The following PTPRN2 variants were observed in gnomAD, a reference collection of about 807,000 sequenced individuals.
The protein encoded by PTPRN2 is receptor-type tyrosine-protein phosphatase N2.
In PTPRN2, 74 loss-of-function variants were observed where a neutral mutation model predicts 118.8. That is an observed-to-expected ratio of 0.62 (90% CI 0.52 to 0.76). PTPRN2 has a LOEUF of 0.76. PTPRN2 is among the 30% of genes least tolerant of loss of function. PTPRN2 has a pLI of 0.00. For missense variants in PTPRN2, 1,481 were observed against 1,394.4 expected, an observed-to-expected ratio of 1.06 and a Z score of -0.99; for synonymous variants, 641 against 608.0, an observed-to-expected ratio of 1.05 and a Z score of -0.80.
chr7:157,939,211 C>T (rs1799901649), intron 11 of PTPRN2, among the ~76,000 whole-genome samples: 1 of 152,174 alleles, frequency 6.6e-6, no homozygotes, highest in Non-Finnish European at 1.5e-5. Flanking sequence ...TTAAGTAAAG[C>T]ACGCAGGTCC....
intron 11 of PTPRN2, among the ~76,000 whole-genome samples, chr7:158,044,921 A>G (rs1808734642): frequency 6.6e-6 from 1 of 152,326 alleles, no homozygotes; most frequent in Non-Finnish European, 1.5e-5. Flanking sequence ...GAAAAATTAT[A>G]AACAGTGAAG....
Position 157,819,907 on chromosome 7 carries a change from C to G in PTPRN2, c.1788+78766G>C, listed in dbSNP as rs1806701663. ...CAACAGACACATGCTTATGTGCACACACACAACACACCTGCACTAGCCCAG... is the reference window on the plus strand; with the variant it reads ...CAACAGACACATGCTTATGTGCACAGACACAACACACCTGCACTAGCCCAG... On this transcript the variant is annotated intron_variant, in intron 12 of 22. Transcript: ENST00000389418. Among the ~76,000 whole-genome samples, 3 of 151,838 alleles carry G rather than the reference C, an allele frequency of 2.0e-5. No homozygotes were observed. The South Asian group carries it at 6.2e-4, about 32-fold the overall frequency.
At chr7:157,821,182 G>C (rs1001430816) in intron 12 of PTPRN2, among the ~76,000 whole-genome samples, 7 of 152,228 alleles carry the variant, frequency 4.6e-5, no homozygotes, top group Admixed American at 3.3e-4. Context: ...GTGGAAGAAG[G>C]CAACTCACCT....
intron 4 of PTPRN2, among the ~76,000 whole-genome samples, chr7:158,197,189 C>T (rs192755431): frequency 6.6e-6 from 1 of 152,312 alleles, no homozygotes; most frequent in East Asian, 1.9e-4. Flanking sequence ...TTTGCAGGTG[C>T]TGAGTGAGGC....
chr7:157,909,682 C>A (rs1797973783), intron 11 of PTPRN2, among the ~76,000 whole-genome samples: 1 of 152,254 alleles, frequency 6.6e-6, no homozygotes, highest in African/African-American at 2.4e-5. Flanking sequence ...CTGTTCTCAC[C>A]CAACATCGGG....
chr7:158,505,428 T>C (rs966435498), intron 1 of PTPRN2, among the ~76,000 whole-genome samples: 1 of 152,112 alleles, frequency 6.6e-6, no homozygotes, highest in African/African-American at 2.4e-5. Flanking sequence ...ATTCCTTCTC[T>C]ACAAAGGTGA....
intron 13 of PTPRN2, among the ~76,000 whole-genome samples, chr7:157,661,728 C>A (rs1795902933): frequency 6.6e-6 from 1 of 152,192 alleles, no homozygotes; most frequent in African/African-American, 2.4e-5. Context: ...CTGAAGCCCC[C>A]CATGCTGCCC....
At position 157,560,773 on chromosome 7, in the gene PTPRN2, C is replaced by T. The variant is rs566763048; in HGVS notation, c.2902+8129G>A. Among the ~76,000 whole-genome samples, 44 of 152,326 alleles carry T rather than the reference C, an allele frequency of 2.9e-4. No individual in the cohort carries two copies. The highest frequency in any genetic ancestry group is 9.4e-4 in the African/African-American group (39 of 41,574). ...TTTTTCAGCCTGAAACTTGCCTGAG[C>T]GAGACAAGAGACACTGCGGGCCCAA... On this transcript the variant is annotated intron_variant, in intron 21 of 22. Coordinates refer to ENST00000389418, the MANE Select transcript of PTPRN2 (RefSeq NM_002847.5). The surrounding 1 kb of genome is among the most constrained non-coding windows in gnomAD (Gnocchi z 6.7).
chr7:158,413,698 A>C (rs1430287713), intron 2 of PTPRN2, among the ~76,000 whole-genome samples: 1 of 152,238 alleles, frequency 6.6e-6, no homozygotes, highest in Non-Finnish European at 1.5e-5. Flanking sequence ...TGAGGACCCC[A>C]GTCTCTCAGC....
At chr7:158,489,627 G>T (rs189621139) in intron 2 of PTPRN2, 108 bp downstream of exon 2, 1 of 1,190,938 alleles carries the variant, frequency 8.4e-7, no homozygotes, top group Non-Finnish European at 1.1e-6. Flanking sequence ...AGCGCGCCCC[G>T]GGCGGCCCCA....
chr7:157,827,486 G>A lies in PTPRN2; in HGVS notation c.1788+71187C>T, dbSNP rs144984117. Among the ~76,000 whole-genome samples, 157 of 152,342 alleles carry A rather than the reference G, an allele frequency of 1.0e-3. 1 individual carries two copies. In the East Asian group the frequency reaches 0.016, roughly 16 times the overall value. On this transcript the variant is annotated intron_variant, in intron 12 of 22. Coordinates refer to ENST00000389418, the MANE Select transcript of PTPRN2 (RefSeq NM_002847.5). Reference sequence around the variant, plus strand: ...GCACTGTCTGGGGGCCTGAGAAAGCGTTCGGGCTGTGTGGGTGGTGGGGGT... The same window carrying A: ...GCACTGTCTGGGGGCCTGAGAAAGCATTCGGGCTGTGTGGGTGGTGGGGGT...
At chr7:157,576,040 A>C (rs1363929282) in intron 19 of PTPRN2, among the ~76,000 whole-genome samples, 1 of 152,166 alleles carries the variant, frequency 6.6e-6, no homozygotes, top group Non-Finnish European at 1.5e-5. Context: ...TCTAGCATTC[A>C]CTTCAACAGT....
At chr7:157,707,285 C>G (rs1241928488) in intron 12 of PTPRN2, among the ~76,000 whole-genome samples, 2 of 151,850 alleles carry the variant, frequency 1.3e-5, no homozygotes, top group Non-Finnish European at 2.9e-5. Context: ...AGACACATAC[C>G]CAGCATACTT....
At chr7:158,069,873 A>G (rs1011824655) in intron 11 of PTPRN2, among the ~76,000 whole-genome samples, 1 of 152,210 alleles carries the variant, frequency 6.6e-6, no homozygotes, top group Non-Finnish European at 1.5e-5. Context: ...TTCCCACTTC[A>G]TTTGATCTGA....
At chr7:158,239,453 C>G (rs1182271303) in intron 3 of PTPRN2, among the ~76,000 whole-genome samples, 1 of 152,170 alleles carries the variant, frequency 6.6e-6, no homozygotes, top group African/African-American at 2.4e-5. Context: ...ACCCTCCTGC[C>G]GTGTGGGGCA....
At chr7:157,895,952 G>C (rs945431654) in intron 12 of PTPRN2, among the ~76,000 whole-genome samples, 6 of 152,124 alleles carry the variant, frequency 3.9e-5, no homozygotes, top group African/African-American at 1.4e-4. Context: ...CCGCGTGAAA[G>C]AGATGGCGAG....
At chr7:158,577,665 G>A (rs1828413045) in intron 1 of PTPRN2, among the ~76,000 whole-genome samples, 1 of 152,262 alleles carries the variant, frequency 6.6e-6, no homozygotes, top group Non-Finnish European at 1.5e-5. Flanking sequence ...CCTCTAAGAG[G>A]AAGACTGTTG....
At chr7:158,407,170 T>C (rs559874576) in intron 2 of PTPRN2, among the ~76,000 whole-genome samples, 21,085 of 81,524 alleles carry the variant, frequency 0.26, 2,890 homozygotes, top group East Asian at 0.53. Flanking sequence ...TCCTGGGTCC[T>C]GCGTCCTGCG....
chr7:158,316,917 C>G lies in PTPRN2; in HGVS notation c.179G>C (p.Arg60Thr). 1 of 1,611,314 alleles carries G rather than the reference C, an allele frequency of 6.2e-7. No individual in the cohort carries two copies. The highest frequency in any genetic ancestry group is 8.5e-7 in the Non-Finnish European group (1 of 1,178,882). The change falls in exon 3 of 23, where the codon AGG (arginine) becomes ACG (threonine). Residue 60 changes from arginine to threonine, a missense_variant. Arg to Thr is a moderately conservative substitution (Grantham distance 71, BLOSUM62 -1). Coordinates refer to ENST00000389418, the MANE Select transcript of PTPRN2 (RefSeq NM_002847.5). ...EACVNDGVFG[R>T]CQKVPAMDFY... ...GTCCATTGCCGGAACCTTCTGGCAC[C>G]TTCCAAACACTCCATCTGTGAGAAG...
Sources: gnomAD v4.1 joint callset for allele counts (sites outside exome capture counted in the v4.1 genomes callset) on GRCh38, gnomAD v4.1.1 for gene constraint, Gnocchi (gnomAD v3.1) non-coding constraint, MANE v1.5 for transcripts, NCBI Gene and HGNC (gene_info 2026-07-23, HGNC 2026-07-21) for gene names.